ROBO1: variants seen among roughly 807,000 people sequenced by gnomAD.
The protein encoded by ROBO1 is roundabout homolog 1.
Under a neutral mutation model 195.9 loss-of-function variants are expected in ROBO1, and 149 were observed. That is an observed-to-expected ratio of 0.76 (90% CI 0.67 to 0.87). ROBO1 has a LOEUF of 0.87. ROBO1 is among the 40% of genes least tolerant of loss of function. The probability of loss-of-function intolerance (pLI) is 0.00; values close to 1 mark genes in which losing one functional copy is unlikely to be tolerated. For missense variants in ROBO1, 1,933 were observed against 2,068.3 expected (o/e 0.93, Z 1.27); for synonymous variants, 816 against 733.2 (o/e 1.11, Z -1.82).
At chr3:79,160,287 T>C (rs1216758288) in intron 2 of ROBO1, among the ~76,000 whole-genome samples, 2 of 151,774 alleles carry the variant, frequency 1.3e-5, no homozygotes, top group Non-Finnish European at 2.9e-5. Context: ...AAACAAACTT[T>C]TTTTTCAATA....
intron 4 of ROBO1, among the ~76,000 whole-genome samples, chr3:78,857,805 C>T (rs2034545597): frequency 6.6e-6 from 1 of 152,206 alleles, no homozygotes; most frequent in African/African-American, 2.4e-5. Context: ...TGGTCTCCCT[C>T]TTTTGAAATC....
chr3:78,903,516 T>A (rs1449603262), intron 4 of ROBO1, among the ~76,000 whole-genome samples: 1 of 150,294 alleles, frequency 6.7e-6, no homozygotes, highest in African/African-American at 2.5e-5. Flanking sequence ...AAATTTAGAT[T>A]TACTTTAATA....
intron 4 of ROBO1, among the ~76,000 whole-genome samples, chr3:78,766,625 A>G (rs1051411276): frequency 6.6e-6 from 1 of 152,030 alleles, no homozygotes; most frequent in Non-Finnish European, 1.5e-5. Flanking sequence ...CTCTTGACTG[A>G]TTGCTCTGGC....
At chr3:79,730,158 T>C (rs532702710) in intron 1 of ROBO1, among the ~76,000 whole-genome samples, 2 of 152,330 alleles carry the variant, frequency 1.3e-5, no homozygotes, top group African/African-American at 2.4e-5. Context: ...AAATCTTCCC[T>C]ACATTATCCT....
At position 79,713,816 on chromosome 3, in the gene ROBO1, A is replaced by G. The variant is rs188860797; in HGVS notation, c.-51+53936T>C. Among the ~76,000 whole-genome samples the G allele has an allele frequency of 2.3e-3, 353 of 152,284 alleles. 1 individual carries two copies. Among genetic ancestry groups the G allele is most frequent in the African/African-American group, 8.3e-3 (347 of 41,568 alleles). ...CAGTTTCAGCTTTCTACATATGGCT[A>G]GCCAGTTTTCCCAGCACCATTTATT... is the stretch of plus-strand genomic sequence containing the variant. On this transcript the variant is annotated intron_variant, in intron 1 of 30. Coordinates refer to ENST00000464233, the MANE Select transcript of ROBO1 (RefSeq NM_002941.4).
chr3:79,264,069 A>G (rs1448562227), intron 2 of ROBO1, among the ~76,000 whole-genome samples: 2 of 152,040 alleles, frequency 1.3e-5, no homozygotes, highest in African/African-American at 2.4e-5. Context: ...CACATGCCCT[A>G]TTGGAAATAA....
intron 2 of ROBO1, among the ~76,000 whole-genome samples, chr3:79,489,116 A>G (rs999746929): frequency 6.6e-6 from 1 of 151,194 alleles, no homozygotes; most frequent in Non-Finnish European, 1.5e-5. Flanking sequence ...GTACATATAT[A>G]TATATATATA....
At chr3:78,969,236 C>T (rs2107898380) in intron 3 of ROBO1, among the ~76,000 whole-genome samples, 1 of 152,246 alleles carries the variant, frequency 6.6e-6, no homozygotes, top group Admixed American at 6.5e-5. Context: ...CTCTGTTTCT[C>T]CAAGTCAAAT....
At chr3:79,657,934 G>A (rs986878158) in intron 1 of ROBO1, among the ~76,000 whole-genome samples, 21 of 152,012 alleles carry the variant, frequency 1.4e-4, no homozygotes, top group Admixed American at 3.3e-4. Flanking sequence ...ATCATAAAAA[G>A]CATCTATCAA....
intron 2 of ROBO1, among the ~76,000 whole-genome samples, chr3:79,135,804 A>C (rs960732021): frequency 2.0e-5 from 3 of 151,900 alleles, no homozygotes; most frequent in African/African-American, 7.3e-5. Context: ...CGCCCGGCTA[A>C]TTTTGTATTT....
At chr3:79,436,997 G>T (rs534728146) in intron 2 of ROBO1, among the ~76,000 whole-genome samples, 1 of 151,940 alleles carries the variant, frequency 6.6e-6, no homozygotes, top group South Asian at 2.1e-4. Context: ...CTGGATTCTT[G>T]ATTGTTGCCT....
chr3:79,744,102 C>T (rs993266170), intron 1 of ROBO1, among the ~76,000 whole-genome samples: 1 of 152,156 alleles, frequency 6.6e-6, no homozygotes, highest in Non-Finnish European at 1.5e-5. Flanking sequence ...ACAAGACTAA[C>T]AGTGCAGTAA....
At chr3:79,045,854 A>ATAC (rs1359353633) in intron 3 of ROBO1, among the ~76,000 whole-genome samples, 3 of 152,164 alleles carry the variant, frequency 2.0e-5, no homozygotes, top group Non-Finnish European at 4.4e-5. Context: ...GAGGTCCTTA[A>ATAC]TACTACACAA....
At chr3:79,192,449 G>A (rs1683494863) in intron 2 of ROBO1, among the ~76,000 whole-genome samples, 1 of 151,606 alleles carries the variant, frequency 6.6e-6, no homozygotes, top group Non-Finnish European at 1.5e-5. Context: ...AAGAAAATTA[G>A]GGGTAATTTA....
At chr3:79,555,221 A>G (rs1559988690) in intron 2 of ROBO1, among the ~76,000 whole-genome samples, 1 of 152,096 alleles carries the variant, frequency 6.6e-6, no homozygotes, top group Non-Finnish European at 1.5e-5. Flanking sequence ...TGAGATTGCC[A>G]CTCATATTAT....
At chr3:79,663,182 T>C (rs751992002) in intron 1 of ROBO1, among the ~76,000 whole-genome samples, 1 of 152,038 alleles carries the variant, frequency 6.6e-6, no homozygotes, top group East Asian at 1.9e-4. Flanking sequence ...TTCTCTATGG[T>C]TTACGAACCT....
chr3:79,064,167 T>C (rs573930208), intron 3 of ROBO1, among the ~76,000 whole-genome samples: 1 of 151,996 alleles, frequency 6.6e-6, no homozygotes, highest in Non-Finnish European at 1.5e-5. Flanking sequence ...CATTCTACAG[T>C]GTATACATGT....
At chr3:79,235,921 A>T (rs947894167) in intron 2 of ROBO1, among the ~76,000 whole-genome samples, 2 of 152,146 alleles carry the variant, frequency 1.3e-5, no homozygotes, top group African/African-American at 4.8e-5. Context: ...TTTTAGAGTT[A>T]ATGAAAATAA....
At chr3:78,981,319 C>T (rs2076985324) in intron 3 of ROBO1, among the ~76,000 whole-genome samples, 1 of 152,062 alleles carries the variant, frequency 6.6e-6, no homozygotes, top group Admixed American at 6.6e-5. Flanking sequence ...CTTTCAAAAG[C>T]CCATTACCAT....
Sources: gnomAD v4.1 joint callset for allele counts (sites outside exome capture counted in the v4.1 genomes callset) on GRCh38, gnomAD v4.1.1 for gene constraint, MANE v1.5 for transcripts, NCBI Gene and HGNC (gene_info 2026-07-23, HGNC 2026-07-21) for gene names.